HPSE: variants seen among roughly 807,000 people sequenced by gnomAD.
The protein encoded by HPSE is endo-glucoronidase.
In HPSE, 48 loss-of-function variants were observed where a neutral mutation model predicts 65.1. That is an observed-to-expected ratio of 0.74 (90% CI 0.58 to 0.94). The LOEUF (loss-of-function observed/expected upper bound fraction) is 0.94. Ranked by LOEUF, HPSE falls within the 40% of genes least tolerant of loss-of-function variation. The pLI, the probability that HPSE is intolerant of heterozygous loss-of-function variation, is 0.00. For missense variants in HPSE, 644 were observed against 637.5 expected (o/e 1.01, Z -0.11); for synonymous variants, 243 against 260.0 (o/e 0.93, Z 0.63).
chr4:83,302,320 C>T (rs1236802334), intron 9 of HPSE, 52 bp from the exon 10 acceptor site: 2 of 1,130,252 alleles, frequency 1.8e-6, no homozygotes, highest in African/African-American at 1.5e-5. Flanking sequence ...TTACTTATGT[C>T]CTTATTTAAT....
chr4:83,302,017 G>A lies in HPSE; in HGVS notation c.1325+133C>T, dbSNP rs563377685. 2.4e-5 allele frequency: 13 copies of A among 531,018 alleles called. No homozygotes were observed. In the East Asian group the frequency reaches 3.1e-4, roughly 13 times the overall value. The allele number at this position is 531,018 out of a possible 1,614,324, so 32.9% of individuals were successfully genotyped here. On this transcript the variant is annotated intron_variant, in intron 10 of 11. Transcript: ENST00000311412. ...AAAAATAAAATAAAATAAAATCGTT[G>A]TATAAAACTTTACTAAATTGCAACT...
At position 83,334,771 on chromosome 4, in the gene HPSE, G is replaced by C. The variant is rs1737552030; in HGVS notation, c.12C>G (p.Arg4=). MLL[R]SKPALPPPLM... is the part of the protein sequence containing the mutation. ...GCGGCGGCGGCAGCGCAGGCTTCGA[G>C]CGCAGCAGCATCTTGGGCTCACCTG... Residue 4 remains arginine (R), a synonymous_variant, in exon 1 of 12, where the codon CGC becomes CGG. Coordinates refer to ENST00000311412, the MANE Select transcript of HPSE (RefSeq NM_001098540.3). 2.6e-6 allele frequency: 4 copies of C among 1,546,478 alleles called. No individual in the cohort carries two copies. The highest frequency in any genetic ancestry group is 3.5e-6 in the Non-Finnish European group (4 of 1,145,296).
Position 83,313,290 on chromosome 4 carries a change from A to G in HPSE, c.500-3T>C. On this transcript the variant is annotated splice_polypyrimidine_tract_variant and splice_region_variant and intron_variant, in intron 3 of 11. Coordinates refer to ENST00000311412, the MANE Select transcript of HPSE (RefSeq NM_001098540.3). ...GTATAGCACATCTACAGAGCTTCCT[A>G]AAAGAAAAACGTCACAATTTAATGG... 6.3e-7 allele frequency: 1 copy of G among 1,598,852 alleles called. No homozygotes were observed. The highest frequency in any genetic ancestry group is 8.5e-7 in the Non-Finnish European group (1 of 1,173,298).
intron 11 of HPSE, among the ~76,000 whole-genome samples, chr4:83,299,322 C>T (rs868092179): frequency 2.3e-5 from 3 of 133,148 alleles, no homozygotes; most frequent in South Asian, 2.5e-4. Flanking sequence ...CTAGATCATG[C>T]CACTGCACTC....
upstream of HPSE, chr4:83,334,984 G>T (rs1210555176): frequency 2.7e-5 from 21 of 785,248 alleles, no homozygotes; most frequent in Non-Finnish European, 4.0e-5. Context: ...ACCCCGCCCC[G>T]CCTGCCCGGC....
At chr4:83,309,062 T>A in intron 7 of HPSE, 111 bp from the exon 8 acceptor site, 1 of 725,644 alleles carries the variant, frequency 1.4e-6, no homozygotes, top group South Asian at 1.8e-5. Flanking sequence ...GACCCACCCC[T>A]CCTATATAGT....
intron 11 of HPSE, among the ~76,000 whole-genome samples, chr4:83,299,363 CAAAAAAAAAAAAAAA>C (rs757562812): frequency 1.1e-5 from 1 of 90,998 alleles, no homozygotes; most frequent in Non-Finnish European, 2.1e-5. Context: ...GACTCTGTCT[CAAAAAAAAAAAAAAA>C]AAAAAAAAAA....
At chr4:83,302,123 T>C (rs889848691) in intron 10 of HPSE, 27 bp downstream of exon 10, 4 of 1,472,424 alleles carry the variant, frequency 2.7e-6, no homozygotes, top group Non-Finnish European at 2.9e-6. Context: ...AACTTGATGA[T>C]TGGTAAAGGG....
intron 3 of HPSE, among the ~76,000 whole-genome samples, chr4:83,314,245 GA>G (rs1454492398): frequency 7.6e-6 from 1 of 131,690 alleles, no homozygotes; most frequent in Non-Finnish European, 1.6e-5. Context: ...GCAACAGAAT[GA>G]GATCCTGTCT....
intron 11 of HPSE, among the ~76,000 whole-genome samples, chr4:83,298,158 T>A (rs573073315): frequency 6.6e-6 from 1 of 152,308 alleles, no homozygotes; most frequent in East Asian, 1.9e-4. Context: ...TGGGGTTTAA[T>A]TTGGGTATAG....
intron 9 of HPSE, among the ~76,000 whole-genome samples, chr4:83,305,950 T>C (rs1736131731): frequency 6.6e-6 from 1 of 152,216 alleles, no homozygotes; most frequent in Admixed American, 6.5e-5. Context: ...TTTCAAATTA[T>C]CCCCTTTTAA....
chr4:83,309,004 TC>T (rs1422560391), intron 7 of HPSE, 53 bp from the exon 8 acceptor site: 6 of 1,411,856 alleles, frequency 4.2e-6, no homozygotes, highest in East Asian at 2.3e-5. Context: ...ACCTGTGGTT[TC>T]AACTGTGGTG....
At chr4:83,299,135 A>AG (rs1578002736) in intron 11 of HPSE, among the ~76,000 whole-genome samples, 1 of 151,918 alleles carries the variant, frequency 6.6e-6, no homozygotes, top group Non-Finnish European at 1.5e-5. Flanking sequence ...AGGCTAAGGC[A>AG]GGTGGATCAC....
At chr4:83,330,624 G>A (rs1311817127) in intron 1 of HPSE, among the ~76,000 whole-genome samples, 3 of 152,198 alleles carry the variant, frequency 2.0e-5, no homozygotes, top group Non-Finnish European at 4.4e-5. Context: ...AATATTGAAA[G>A]TTTTTATCAG....
At chr4:83,299,792 C>T (rs987459614) in intron 11 of HPSE, among the ~76,000 whole-genome samples, 5 of 151,972 alleles carry the variant, frequency 3.3e-5, no homozygotes, top group Non-Finnish European at 7.4e-5. Flanking sequence ...CAGCCATGAC[C>T]CCCCTGGGCT....
At chr4:83,332,313 A>G (rs1737404933) in intron 1 of HPSE, among the ~76,000 whole-genome samples, 1 of 152,168 alleles carries the variant, frequency 6.6e-6, no homozygotes, top group Non-Finnish European at 1.5e-5. Context: ...CTCACACTCT[A>G]ATTTAGAAGC....
chr4:83,309,620 T>G (rs1736288958), intron 6 of HPSE, 125 bp from the exon 7 acceptor site: 1 of 658,378 alleles, frequency 1.5e-6, no homozygotes, highest in African/African-American at 1.9e-5. Context: ...AAGGTAGAAG[T>G]TCTACTAGGG....
chr4:83,334,482 G>A, intron 1 of HPSE, 74 bp downstream of exon 1: 7 of 1,456,346 alleles, frequency 4.8e-6, no homozygotes, highest in Non-Finnish European at 6.4e-6. Flanking sequence ...GCAAAAGAAG[G>A]AGAGCGGCTG....
intron 2 of HPSE, 32 bp downstream of exon 2, chr4:83,322,187 A>G: frequency 1.9e-6 from 3 of 1,586,020 alleles, no homozygotes; most frequent in Non-Finnish European, 2.6e-6. Context: ...GACGTTAATT[A>G]AAATATAGAG....
Sources: allele counts gnomAD v4.1 joint callset (sites outside exome capture counted in the v4.1 genomes callset), GRCh38; gene constraint gnomAD v4.1.1; transcripts MANE v1.5; gene names NCBI Gene and HGNC (gene_info 2026-07-23, HGNC 2026-07-21).